The following MYOC variants were observed in gnomAD, a reference collection of about 807,000 sequenced individuals.
The protein encoded by MYOC is juvenile-onset open-angle glaucoma 1.
Under a neutral mutation model 28.2 loss-of-function variants are expected in MYOC, and 29 were observed. The observed-to-expected ratio is 1.03, with a 90% CI of 0.77 to 1.40. The LOEUF (loss-of-function observed/expected upper bound fraction) is 1.40, where lower values mean the gene tolerates loss of function less well. Among genes scored for constraint, MYOC ranks in the 40% most tolerant of loss-of-function variants. The pLI, the probability that MYOC is intolerant of heterozygous loss-of-function variation, is 0.00. For missense variants in MYOC, 569 were observed against 620.6 expected, an observed-to-expected ratio of 0.92 and a Z score of 0.88; for synonymous variants, 240 against 245.6, an observed-to-expected ratio of 0.98 and a Z score of 0.21.
At chr1:171,649,919 C>T (rs1488537839) in intron 1 of MYOC, among the ~76,000 whole-genome samples, 1 of 152,136 alleles carries the variant, frequency 6.6e-6, no homozygotes, top group Non-Finnish European at 1.5e-5. Flanking sequence ...TCCATATCTG[C>T]AAAAATCAGC....
In MYOC at chr1:171,636,458, C is replaced by T; in HGVS notation, c.982G>A (p.Val328Met). 1 of 1,614,164 alleles carries T rather than the reference C, an allele frequency of 6.2e-7. No individual in the cohort carries two copies. Among genetic ancestry groups the T allele is most frequent in the Non-Finnish European group, 8.5e-7 (1 of 1,180,028 alleles). ...AAATAGAGGCTCCCCGAGTACACCA[C>T]AGCACCCGTGCTTTCCAGTGGCCTA... ...LPRPLESTGAVVYSGSLYFQG... is the reference protein window; with the variant it reads ...LPRPLESTGAMVYSGSLYFQG... Residue 328 changes from valine to methionine, a missense_variant, in exon 3 of 3, where the codon GTG becomes ATG. Physicochemically the swap from Val to Met is conservative, Grantham distance 21. Transcript: ENST00000037502.
At chr1:171,648,318 C>T (rs1336773256) in intron 1 of MYOC, among the ~76,000 whole-genome samples, 1 of 152,198 alleles carries the variant, frequency 6.6e-6, no homozygotes, top group African/African-American at 2.4e-5. Flanking sequence ...AACCTCCCCT[C>T]TTCTGTTGCA....
In MYOC at chr1:171,638,740, G is replaced by A; in HGVS notation, c.605-18C>T. 2 of 1,613,434 alleles carry A rather than the reference G, an allele frequency of 1.2e-6. No homozygotes were observed. The highest frequency in any genetic ancestry group is 1.7e-6 in the Non-Finnish European group (2 of 1,179,688). ...CGTAGAAACTGCATTAAAAGAAAGA[G>A]ACAAAATTTTACTGTAAGAAAAAAT... On this transcript the variant is annotated intron_variant, in intron 1 of 2. Transcript: ENST00000037502.
rs1653358086 is a variant in MYOC at position 171,651,691 on chromosome 1, A to G, written c.604+317T>C. Among the ~76,000 whole-genome samples, 7 of 152,330 alleles carry G rather than the reference A, an allele frequency of 4.6e-5. No individual in the cohort carries two copies. In the South Asian group the frequency reaches 1.4e-3, roughly 32 times the overall value. On this transcript the variant is annotated intron_variant, in intron 1 of 2. Transcript: ENST00000037502. Reference sequence around the variant, plus strand: ...AAAAAAGGATAGTTTTTCAAAAGGGACAATTGACAACTTTCTACTGCTCAT... The same window carrying G: ...AAAAAAGGATAGTTTTTCAAAAGGGGCAATTGACAACTTTCTACTGCTCAT...
At chr1:171,649,044 G>A (rs28412645) in intron 1 of MYOC, among the ~76,000 whole-genome samples, 3 of 151,170 alleles carry the variant, frequency 2.0e-5, no homozygotes, top group African/African-American at 7.3e-5. Context: ...ATTTATATAT[G>A]TATATATATG....
Position 171,652,289 on chromosome 1 carries a change from G to T in MYOC, c.323C>A (p.Ala108Asp), listed in dbSNP as rs145393453. The change falls in exon 1 of 3, where the codon GCC becomes GAC. Residue 108 changes from alanine to aspartate, a missense_variant. By Grantham distance (126) the Ala-to-Asp change is moderately radical. Transcript: ENST00000037502. ...CCCCTCCTGGGTCTCCTGGGGCCTG[G>T]CAGCCTGGTCCAAGGTCAATTGGTG... is the stretch of plus-strand genomic sequence containing the variant. Reference protein sequence around the residue: ...LLHQLTLDQAARPQETQEGLQ... With the variant: ...LLHQLTLDQADRPQETQEGLQ... 1.1e-5 allele frequency: 18 copies of T among 1,612,894 alleles called. No individual in the cohort carries two copies. Among genetic ancestry groups the T allele is most frequent in the Non-Finnish European group, 1.5e-5 (18 of 1,179,306 alleles).
Position 171,636,102 on chromosome 1 carries a change from A to C in MYOC, c.1338T>G (p.Asp446Glu). 5 of 1,614,206 alleles carry C rather than the reference A, an allele frequency of 3.1e-6. No individual in the cohort carries two copies. Among genetic ancestry groups the C allele is most frequent in the Non-Finnish European group, 4.2e-6 (5 of 1,180,040 alleles). ...TGTCATAAGCAAAGTTGACGGTAGCATCTGCTGAGGTGTAGCTGCTGACGG... is the reference window on the plus strand; with the variant it reads ...TGTCATAAGCAAAGTTGACGGTAGCCTCTGCTGAGGTGTAGCTGCTGACGG... ...LYTVSSYTSA[D>E]ATVNFAYDTG... The change falls in exon 3 of 3, where the codon GAT (aspartate) becomes GAG (glutamate). Residue 446 changes from aspartate (D) to glutamate (E), a missense_variant. Physicochemically the swap from Asp to Glu is conservative, Grantham distance 45. Coordinates refer to ENST00000037502, the MANE Select transcript of MYOC (RefSeq NM_000261.2).
At chr1:171,640,642 G>C (rs1471246901) in intron 1 of MYOC, among the ~76,000 whole-genome samples, 2 of 152,148 alleles carry the variant, frequency 1.3e-5, no homozygotes, top group Admixed American at 1.3e-4. Context: ...GCTGAGGTGG[G>C]AGGATCACTT....
intron 1 of MYOC, among the ~76,000 whole-genome samples, chr1:171,650,949 T>A (rs1231991183): frequency 6.6e-6 from 1 of 152,192 alleles, no homozygotes; most frequent in Non-Finnish European, 1.5e-5. Flanking sequence ...GCAACCACAG[T>A]ATCATTATCT....
In MYOC at chr1:171,636,182, T is replaced by A. The variant is rs150438494; in HGVS notation, c.1258A>T (p.Asn420Tyr). The change falls in exon 3 of 3, where the codon AAC becomes TAC. Residue 420 changes from asparagine (N) to tyrosine (Y), a missense_variant. By Grantham distance (143) the Asn-to-Tyr change is moderately radical. Transcript: ENST00000037502. The part of the protein sequence containing the change: ...NLELEQTWET[N>Y]IRKQSVANAF... Reference sequence around the variant, plus strand: ...TTGGCGACTGACTGCTTACGGATGTTTGTCTCCCAGGTTTGTTCGAGTTCC... The same window carrying A: ...TTGGCGACTGACTGCTTACGGATGTATGTCTCCCAGGTTTGTTCGAGTTCC... 164 of 1,614,040 alleles carry A rather than the reference T, an allele frequency of 1.0e-4. No individual in the cohort carries two copies. Among genetic ancestry groups the A allele is most frequent in the Non-Finnish European group, 1.4e-4 (160 of 1,180,024 alleles).
At position 171,636,268 on chromosome 1, in the gene MYOC, A is replaced by G. The variant is rs1652918104; in HGVS notation, c.1172T>C (p.Ile391Thr). The G allele has an allele frequency of 6.2e-7, 1 of 1,613,968 alleles. No individual in the cohort carries two copies. Among genetic ancestry groups the G allele is most frequent in the Non-Finnish European group, 8.5e-7 (1 of 1,180,028 alleles). ...ACCTTTGGCCTCATCGGTGCTGTAA[A>G]TGACCCAGAGGCCTGCTTCATCCAC... is the stretch of plus-strand genomic sequence containing the variant. ...LAVDEAGLWVIYSTDEAKGAI... is the reference protein window; with the variant it reads ...LAVDEAGLWVTYSTDEAKGAI... Residue 391 changes from isoleucine (I) to threonine (T), a missense_variant, in exon 3 of 3, where the codon ATT becomes ACT. Physicochemically the swap from Ile to Thr is moderately conservative, Grantham distance 89 (BLOSUM62 -1). Coordinates refer to ENST00000037502, the MANE Select transcript of MYOC (RefSeq NM_000261.2).
At chr1:171,647,130 C>T (rs1395367076) in intron 1 of MYOC, among the ~76,000 whole-genome samples, 1 of 152,194 alleles carries the variant, frequency 6.6e-6, no homozygotes. Flanking sequence ...GACTATTGTC[C>T]TGAGTACTGC....
chr1:171,646,637 C>T (rs1338830840), intron 1 of MYOC, among the ~76,000 whole-genome samples: 3 of 151,818 alleles, frequency 2.0e-5, no homozygotes, highest in Admixed American at 6.6e-5. Flanking sequence ...GCTGGGACTA[C>T]AGGTGCCTGC....
At chr1:171,651,327 A>C (rs1362423344) in intron 1 of MYOC, among the ~76,000 whole-genome samples, 3 of 141,556 alleles carry the variant, frequency 2.1e-5, no homozygotes, top group African/African-American at 2.5e-5. Flanking sequence ...GACCTCCCCC[A>C]ACACCTCACC....
intron 1 of MYOC, among the ~76,000 whole-genome samples, chr1:171,644,728 C>T (rs759101717): frequency 9.9e-4 from 151 of 152,072 alleles, no homozygotes; most frequent in Non-Finnish European, 1.7e-3. Context: ...CTGCAGATAG[C>T]GCCTGATAAA....
At chr1:171,637,741 T>C (rs1652963247) in intron 2 of MYOC, among the ~76,000 whole-genome samples, 1 of 151,900 alleles carries the variant, frequency 6.6e-6, no homozygotes, top group Non-Finnish European at 1.5e-5. Context: ...GCCTCCCAAG[T>C]AGCTGGGATT....
At chr1:171,651,235 A>G (rs1352310053) in intron 1 of MYOC, among the ~76,000 whole-genome samples, 2 of 152,124 alleles carry the variant, frequency 1.3e-5, no homozygotes, top group Admixed American at 6.6e-5. Context: ...CCTCATGATT[A>G]GAACACTTCC....
rs777606694 is a variant in MYOC at position 171,638,691 on chromosome 1, G to C, written c.636C>G (p.Phe212Leu). 1.2e-6 allele frequency: 2 copies of C among 1,614,138 alleles called. No homozygotes were observed. The highest frequency in any genetic ancestry group is 1.7e-6 in the Non-Finnish European group (2 of 1,180,002). ...CAGTTAGCTCGGACTTCAGTTCCTGGAAGGCCAAAGTGTCCAAATTCCACG... is the reference window on the plus strand; with the variant it reads ...CAGTTAGCTCGGACTTCAGTTCCTGCAAGGCCAAAGTGTCCAAATTCCACG... Reference protein sequence around the residue: ...VSTWNLDTLAFQELKSELTEV... With the variant: ...VSTWNLDTLALQELKSELTEV... Residue 212 changes from phenylalanine (F) to leucine (L), a missense_variant, in exon 2 of 3, where the codon TTC (phenylalanine) becomes TTG (leucine). Physicochemically the swap from Phe to Leu is conservative, Grantham distance 22. Transcript: ENST00000037502.
At chr1:171,650,907 T>C (rs1180081213) in intron 1 of MYOC, among the ~76,000 whole-genome samples, 1 of 152,178 alleles carries the variant, frequency 6.6e-6, no homozygotes, top group African/African-American at 2.4e-5. Flanking sequence ...TACTTAAGCA[T>C]GTATCTCCAT....
Sources: gnomAD v4.1 joint callset for allele counts (sites outside exome capture counted in the v4.1 genomes callset) on GRCh38, gnomAD v4.1.1 for gene constraint, MANE v1.5 for transcripts, NCBI Gene and HGNC (gene_info 2026-07-23, HGNC 2026-07-21) for gene names.